SGMS1: variants seen among roughly 807,000 people sequenced by gnomAD.
The protein encoded by SGMS1 is phosphatidylcholine:ceramide cholinephosphotransferase 1.
A neutral mutation model predicts 46.2 loss-of-function variants in SGMS1; 13 were observed. The observed-to-expected ratio is 0.28, with a 90% CI of 0.18 to 0.45. The LOEUF is 0.45. Among genes scored for constraint, SGMS1 ranks in the 20% least tolerant of loss-of-function variants. The probability of loss-of-function intolerance (pLI) is 1.00; values close to 1 mark genes in which losing one functional copy is unlikely to be tolerated. For synonymous variants in SGMS1, 203 were observed against 187.8 expected (o/e 1.08, Z -0.66); for missense variants, 324 against 519.9 (o/e 0.62, Z 3.66).
At chr10:50,373,332 C>T (rs956963611) in intron 6 of SGMS1, among the ~76,000 whole-genome samples, 6 of 152,204 alleles carry the variant, frequency 3.9e-5, no homozygotes, top group African/African-American at 9.7e-5. Flanking sequence ...ACAGGTCCTA[C>T]GCACTAAAAT....
At chr10:50,517,621 G>A (rs1837817163) in intron 3 of SGMS1, among the ~76,000 whole-genome samples, 1 of 152,126 alleles carries the variant, frequency 6.6e-6, no homozygotes, top group South Asian at 2.1e-4. Flanking sequence ...CAGCATTCAA[G>A]CATTGAGAGC....
intron 8 of SGMS1, among the ~76,000 whole-genome samples, chr10:50,317,261 G>A (rs925757722): frequency 3.3e-5 from 5 of 152,268 alleles, no homozygotes; most frequent in African/African-American, 4.8e-5. Context: ...CAATTTCTCC[G>A]GCCTTATTTT....
At chr10:50,443,514 A>G (rs565938645) in intron 5 of SGMS1, among the ~76,000 whole-genome samples, 6 of 152,262 alleles carry the variant, frequency 3.9e-5, no homozygotes, top group African/African-American at 1.4e-4. Context: ...GGAGAAAAAA[A>G]AGACTGAATG....
intron 2 of SGMS1, among the ~76,000 whole-genome samples, chr10:50,560,262 T>G (rs1838223022): frequency 2.1e-5 from 3 of 141,900 alleles, no homozygotes; most frequent in African/African-American, 7.7e-5. Flanking sequence ...ACATAATATC[T>G]AATGTATGTA....
chr10:50,368,457 A>G (rs1182439005), intron 6 of SGMS1, among the ~76,000 whole-genome samples: 2 of 152,172 alleles, frequency 1.3e-5, no homozygotes, highest in African/African-American at 4.8e-5. Flanking sequence ...CTCGGGTTCA[A>G]TCAATTCTCC....
chr10:50,429,258 A>T (rs776806627), intron 6 of SGMS1, among the ~76,000 whole-genome samples: 1 of 152,366 alleles, frequency 6.6e-6, no homozygotes, highest in East Asian at 1.9e-4. Flanking sequence ...CCGTAAGATT[A>T]TATTTTTCCT....
At chr10:50,356,891 G>A (rs1848160639) in intron 6 of SGMS1, among the ~76,000 whole-genome samples, 1 of 152,006 alleles carries the variant, frequency 6.6e-6, no homozygotes, top group Admixed American at 6.6e-5. Context: ...CACAGGAAGG[G>A]GAACACCACA....
intron 3 of SGMS1, among the ~76,000 whole-genome samples, chr10:50,495,262 GAA>G (rs200136497): frequency 2.0e-4 from 24 of 119,378 alleles, no homozygotes; most frequent in African/African-American, 4.4e-4. Flanking sequence ...AAAAAGTTAA[GAA>G]AAAAAAAAAA....
At chr10:50,355,372 C>T (rs1182131309) in intron 6 of SGMS1, among the ~76,000 whole-genome samples, 3 of 152,354 alleles carry the variant, frequency 2.0e-5, no homozygotes, top group East Asian at 3.9e-4. Context: ...TGCAACCTCC[C>T]TGCCTGATTC....
At chr10:50,541,745 T>C (rs1838054494) in intron 2 of SGMS1, among the ~76,000 whole-genome samples, 1 of 152,182 alleles carries the variant, frequency 6.6e-6, no homozygotes, top group Non-Finnish European at 1.5e-5. Flanking sequence ...GTTTTGAGTT[T>C]AATCAAGAGA....
chr10:50,526,048 T>C (rs1837898369), intron 2 of SGMS1, among the ~76,000 whole-genome samples: 1 of 152,188 alleles, frequency 6.6e-6, no homozygotes, highest in African/African-American at 2.4e-5. Flanking sequence ...CAGGGAGGCC[T>C]GAGGGGAAGC....
intron 6 of SGMS1, among the ~76,000 whole-genome samples, chr10:50,383,196 T>C (rs1848632643): frequency 6.6e-6 from 1 of 152,198 alleles, no homozygotes; most frequent in Non-Finnish European, 1.5e-5. Context: ...TGATTTTAAA[T>C]TAGATCTTTG....
intron 1 of SGMS1, among the ~76,000 whole-genome samples, chr10:50,613,080 G>C (rs528258806): frequency 6.6e-6 from 1 of 152,264 alleles, no homozygotes; most frequent in South Asian, 2.1e-4. Flanking sequence ...TCCTAGGCTT[G>C]TCTCTGCTGT....
chr10:50,522,631 A>G (rs1837866324), intron 2 of SGMS1, among the ~76,000 whole-genome samples: 1 of 152,144 alleles, frequency 6.6e-6, no homozygotes, highest in Non-Finnish European at 1.5e-5. Flanking sequence ...GCTTCATTTT[A>G]CACTTGGTTA....
At chr10:50,392,436 A>G (rs1290659296) in intron 6 of SGMS1, among the ~76,000 whole-genome samples, 2 of 152,218 alleles carry the variant, frequency 1.3e-5, no homozygotes, top group Non-Finnish European at 2.9e-5. Context: ...ATAGTATACA[A>G]GTGCACAGTC....
intron 6 of SGMS1, among the ~76,000 whole-genome samples, chr10:50,373,243 G>A (rs10763373): frequency 0.22 from 33,644 of 152,094 alleles, 3,870 homozygotes; most frequent in East Asian, 0.31. Flanking sequence ...CTGAGACACT[G>A]GTAGGAATAA....
chr10:50,312,194 C>T (rs1024662832), intron 8 of SGMS1, among the ~76,000 whole-genome samples: 3 of 151,914 alleles, frequency 2.0e-5, no homozygotes, highest in African/African-American at 7.3e-5. Context: ...TTCTGGTTGT[C>T]CAATTTAATT....
chr10:50,393,330 GGTCAA>G (rs1400606451), intron 6 of SGMS1, among the ~76,000 whole-genome samples: 28 of 152,148 alleles, frequency 1.8e-4, no homozygotes, highest in Admixed American at 1.6e-3. Flanking sequence ...AAAGAAACCA[GGTCAA>G]GTCAACAGGA....
intron 8 of SGMS1, among the ~76,000 whole-genome samples, chr10:50,325,229 T>C (rs1847511637): frequency 6.6e-6 from 1 of 152,214 alleles, no homozygotes; most frequent in African/African-American, 2.4e-5. Context: ...GTTGGGTTTA[T>C]GGGAGTTCCT....
Sources: allele counts gnomAD v4.1 joint callset (sites outside exome capture counted in the v4.1 genomes callset), GRCh38; gene constraint gnomAD v4.1.1; transcripts MANE v1.5; gene names NCBI Gene and HGNC (gene_info 2026-07-23, HGNC 2026-07-21).